CTBS: variants seen among roughly 807,000 people sequenced by gnomAD.
CTBS encodes the protein chitobiase.
In CTBS, 35 loss-of-function variants were observed where a neutral mutation model predicts 44.3. That is an observed-to-expected ratio of 0.79 (90% CI 0.60 to 1.05). The LOEUF is 1.05. Among genes scored for constraint, CTBS ranks in the 50% least tolerant of loss-of-function variants. CTBS has a pLI of 0.00. For missense variants in CTBS, 458 were observed against 475.3 expected, an observed-to-expected ratio of 0.96 and a Z score of 0.34; for synonymous variants, 143 against 168.0, an observed-to-expected ratio of 0.85 and a Z score of 1.15.
intron 2 of CTBS, 42 bp downstream of exon 2, chr1:84,570,540 A>C (rs1463086119): frequency 1.3e-6 from 2 of 1,551,724 alleles, no homozygotes; most frequent in Non-Finnish European, 1.7e-6. Flanking sequence ...GATACAGATA[A>C]ATTTCCCAAT....
rs1176794734 is a variant in CTBS, at chr1:84,563,166, C to G, written c.957+91G>C. The G allele has an allele frequency of 4.4e-6, 4 of 910,156 alleles. No homozygotes were observed. The African/African-American group carries it at 7.0e-5, about 16-fold the overall frequency. 56.4% of individuals were successfully genotyped at this position (910,156 alleles called of 1,614,324 possible). A position where few individuals can be genotyped will look rare whatever the true frequency, so the allele number is the denominator to read the frequency against. On this transcript the variant is annotated intron_variant, in intron 6 of 6. Transcript: ENST00000370630. ...CTGCATGTTATGCCCTAAAAGAAAA[C>G]TGATAGAAATTCTTGATATCAAACA...
In CTBS at chr1:84,563,260, A is replaced by G. The variant is rs754345843; in HGVS notation, c.954T>C (p.Tyr318=). The G allele has an allele frequency of 6.6e-7, 1 of 1,504,384 alleles. No homozygotes were observed. Among genetic ancestry groups the G allele is most frequent in the Non-Finnish European group, 8.9e-7 (1 of 1,126,002 alleles). The allele number at this position is 1,504,384 out of a possible 1,614,324, so 93.2% of individuals were successfully genotyped here. A position where few individuals can be genotyped will look rare whatever the true frequency, so the allele number is the denominator to read the frequency against. Reference sequence around the variant, plus strand: ...CATAACTTACGAAAAGTCTTACTTTATAGTTATAATAAGGAGCCCGCTGAT... The same window carrying G: ...CATAACTTACGAAAAGTCTTACTTTGTAGTTATAATAAGGAGCCCGCTGAT... ...DKDQRAPYYN[Y]KDPAGHFHQV... The change falls in exon 6 of 7, where the codon TAT becomes TAC. Residue 318 remains tyrosine, a synonymous_variant. Coordinates refer to ENST00000370630, the MANE Select transcript of CTBS (RefSeq NM_004388.3).
Position 84,554,917 on chromosome 1 carries a change from T to C in CTBS, c.*82A>G, listed in dbSNP as rs1047754724. ...TTAGTATACGGATAACAAAAGTATA[T>C]AGCAACATAATAAAAATGCAAGAAA... On this transcript the variant is annotated 3_prime_UTR_variant, in exon 7 of 7. Transcript: ENST00000370630. 1.5e-5 allele frequency: 16 copies of C among 1,085,898 alleles called. No homozygotes were observed. The highest frequency in any genetic ancestry group is 7.3e-5 in the South Asian group (5 of 68,146). The allele number at this position is 1,085,898 out of a possible 1,614,324, so 67.3% of individuals were successfully genotyped here. A position where few individuals can be genotyped will look rare whatever the true frequency, so the allele number is the denominator to read the frequency against.
At chr1:84,565,044 A>G (rs1473367046) in intron 4 of CTBS, among the ~76,000 whole-genome samples, 1 of 151,894 alleles carries the variant, frequency 6.6e-6, no homozygotes, top group Non-Finnish European at 1.5e-5. Context: ...GTCTCAGAAA[A>G]AGAAAAAAAT....
intron 3 of CTBS, among the ~76,000 whole-genome samples, chr1:84,566,476 T>G (rs1251246202): frequency 6.6e-6 from 1 of 152,220 alleles, no homozygotes; most frequent in Non-Finnish European, 1.5e-5. Context: ...TTCAGCCTGA[T>G]TCACAATCAC....
In CTBS at chr1:84,551,315, A is replaced by C. The variant is rs1207163052; in HGVS notation, c.*3684T>G. On this transcript the variant is annotated 3_prime_UTR_variant, in exon 7 of 7. Coordinates refer to ENST00000370630, the MANE Select transcript of CTBS (RefSeq NM_004388.3). ...ATTCTAGAATTAGCTCTTTTTAAAA[A>C]AATTTTAAAAAGAAAAAAGAAAATC... 2.1e-6 allele frequency: 2 copies of C among 961,666 alleles called. No individual in the cohort carries two copies. The highest frequency in any genetic ancestry group is 1.8e-5 in the African/African-American group (1 of 56,826). 59.6% of individuals were successfully genotyped at this position (961,666 alleles called of 1,614,324 possible).
Position 84,555,161 on chromosome 1 carries a change from G to T in CTBS, c.996C>A (p.Asn332Lys). The part of the protein sequence containing the change: ...AGHFHQVWYD[N>K]PQSISLKATY... Reference sequence around the variant, plus strand: ...TTGCCTTTAAAGAAATACTCTGAGGGTTATCATACCATACTTGATGAAAGT... The same window carrying T: ...TTGCCTTTAAAGAAATACTCTGAGGTTTATCATACCATACTTGATGAAAGT... Residue 332 changes from asparagine (N) to lysine (K), a missense_variant, in exon 7 of 7, where the codon AAC becomes AAA. By Grantham distance (94) the Asn-to-Lys change is moderately conservative. Coordinates refer to ENST00000370630, the MANE Select transcript of CTBS (RefSeq NM_004388.3). 6.2e-7 allele frequency: 1 copy of T among 1,613,722 alleles called. No homozygotes were observed. The highest frequency in any genetic ancestry group is 1.7e-4 in the Middle Eastern group (1 of 6,060).
intron 5 of CTBS, 33 bp downstream of exon 5, chr1:84,563,699 GATA>G: frequency 8.0e-7 from 1 of 1,253,774 alleles, no homozygotes; most frequent in East Asian, 2.5e-5. Flanking sequence ...AAATATAATA[GATA>G]ATAAAAATTA....
rs1025735721 is a variant in CTBS, at chr1:84,555,110, C to T, written c.1047G>A (p.Arg349=). 4.3e-6 allele frequency: 7 copies of T among 1,613,732 alleles called. No homozygotes were observed. The African/African-American group carries it at 9.4e-5, about 22-fold the overall frequency. The change falls in exon 7 of 7, where the codon CGG becomes CGA. Residue 349 remains arginine, a synonymous_variant. Transcript: ENST00000370630. Reference sequence around the variant, plus strand: ...AGTTTGCATTCCACATGCCAATGCCCCGTAAGCGATAGTTTTGTATATATG... The same window carrying T: ...AGTTTGCATTCCACATGCCAATGCCTCGTAAGCGATAGTTTTGTATATATG... ...KATYIQNYRL[R]GIGMWNANCL... is the part of the protein sequence containing the mutation.
chr1:84,549,716 C>T lies in CTBS; in HGVS notation c.*5283G>A, dbSNP rs1684213156. ...CAATTTGATTTGGGTTGGATCAATC[C>T]CACTTATCCAAAAGTAATTTTAAAA... On this transcript the variant is annotated 3_prime_UTR_variant, in exon 7 of 7. Coordinates refer to ENST00000370630, the MANE Select transcript of CTBS (RefSeq NM_004388.3). 1 of 151,748 alleles carries T rather than the reference C, an allele frequency of 6.6e-6. No individual in the cohort carries two copies. Among genetic ancestry groups the T allele is most frequent in the Non-Finnish European group, 1.5e-5 (1 of 67,926 alleles). The allele number at this position is 151,748 out of a possible 1,614,324, so 9.4% of individuals were successfully genotyped here. A position where few individuals can be genotyped will look rare whatever the true frequency, so the allele number is the denominator to read the frequency against.
chr1:84,572,684 G>A (rs1336328575), intron 1 of CTBS, among the ~76,000 whole-genome samples: 3 of 143,572 alleles, frequency 2.1e-5, no homozygotes, highest in Non-Finnish European at 4.5e-5. Flanking sequence ...TCTCTTTTTT[G>A]AGACATAGTC....
chr1:84,569,654 T>G (rs773198538), intron 3 of CTBS, among the ~76,000 whole-genome samples: 1 of 152,164 alleles, frequency 6.6e-6, no homozygotes, highest in Non-Finnish European at 1.5e-5. Flanking sequence ...CCCCCTTGAT[T>G]TTTGTTCTCC....
chr1:84,561,184 GGGA>G (rs1374450842), intron 6 of CTBS, among the ~76,000 whole-genome samples: 2 of 152,206 alleles, frequency 1.3e-5, no homozygotes, highest in East Asian at 1.9e-4. Context: ...ATTCATGCAT[GGGA>G]GGAGGTCAAA....
At chr1:84,573,713 A>C (rs558929444) in intron 1 of CTBS, among the ~76,000 whole-genome samples, 1 of 152,304 alleles carries the variant, frequency 6.6e-6, no homozygotes, top group South Asian at 2.1e-4. Context: ...ACAAATTGTT[A>C]TGTAGATAGA....
chr1:84,560,668 C>A (rs563922137), intron 6 of CTBS, among the ~76,000 whole-genome samples: 1 of 152,252 alleles, frequency 6.6e-6, no homozygotes, highest in East Asian at 1.9e-4. Flanking sequence ...CTTTAAAGCT[C>A]AAAGTACAGG....
In CTBS at chr1:84,574,315, CGCAGCGCCAGCAGCGCCA is replaced by C. The variant is rs3217269; in HGVS notation, c.83_100del (p.Leu28_Leu33del). ...TGGGCAGTCGGTCCCGGCCGCGAGC[CGCAGCGCCAGCAGCGCCA>C]GCAGCGCCAGCAGCGCTAGACCCGG... On this transcript the variant is annotated inframe_deletion, in exon 1 of 7. Transcript: ENST00000370630. 5.8e-4 allele frequency: 909 copies of C among 1,569,314 alleles called. 1 individual carries two copies. Among genetic ancestry groups the C allele is most frequent in the African/African-American group, 2.2e-3 (158 of 72,854 alleles).
In CTBS at chr1:84,563,381, C is replaced by A; in HGVS notation, c.833G>T (p.Gly278Val). ...VCTIAKVPFR[G>V]APCSDAAGRQ... is the part of the protein sequence containing the mutation. ...TCCTGCAGCGTCACTACAAGGAGCC[C>A]CCCGGAAAGGGACTTTTGCAATGGT... is the stretch of plus-strand genomic sequence containing the variant. Residue 278 changes from glycine (G) to valine (V), a missense_variant, in exon 6 of 7, where the codon GGG becomes GTG. Gly to Val is a moderately radical substitution (Grantham distance 109). Transcript: ENST00000370630. The A allele has an allele frequency of 1.3e-6, 2 of 1,577,560 alleles. No homozygotes were observed. The highest frequency in any genetic ancestry group is 2.7e-5 in the African/African-American group (2 of 72,830).
intron 6 of CTBS, among the ~76,000 whole-genome samples, chr1:84,561,657 CTTATT>C (rs1052417344): frequency 6.6e-6 from 1 of 152,144 alleles, no homozygotes; most frequent in African/African-American, 2.4e-5. Flanking sequence ...TCACTGTTGT[CTTATT>C]TTAAGAAATT....
intron 1 of CTBS, among the ~76,000 whole-genome samples, chr1:84,573,717 A>T (rs75736189): frequency 0.02 from 3,070 of 152,298 alleles, 89 homozygotes; most frequent in African/African-American, 0.06. Flanking sequence ...ATTGTTATGT[A>T]GATAGAAGGA....
Sources: gnomAD v4.1 joint callset for allele counts (sites outside exome capture counted in the v4.1 genomes callset) on GRCh38, gnomAD v4.1.1 for gene constraint, MANE v1.5 for transcripts, NCBI Gene and HGNC (gene_info 2026-07-23, HGNC 2026-07-21) for gene names.